The following XIRP1 variants were observed in gnomAD, a reference collection of about 807,000 sequenced individuals.
XIRP1 encodes xin actin-binding repeat-containing protein 1.
For missense variants in XIRP1, 2,378 were observed against 2,345.4 expected (o/e 1.01, Z -0.29); for synonymous variants, 984 against 947.0 (o/e 1.04, Z -0.72).
Position 39,188,678 on chromosome 3 carries a change from T to C in XIRP1, c.768A>G (p.Ala256=). The C allele has an allele frequency of 6.2e-7, 1 of 1,613,486 alleles. No homozygotes were observed. The highest frequency in any genetic ancestry group is 1.3e-5 in the African/African-American group (1 of 75,030). Residue 256 remains alanine (A), a synonymous_variant, in exon 2 of 2, where the codon GCA becomes GCG. Coordinates refer to ENST00000340369, the MANE Select transcript of XIRP1 (RefSeq NM_194293.4). The stretch of plus-strand genomic sequence containing the variant: ...CGTTGCTTTGGATCTCCTCCCGGCA[T>C]GCGGCCTTGACCTCATGGATGGCGC... ...AEGAIHEVKA[A]CREEIQSNAV... is the part of the protein sequence containing the mutation.
Position 39,185,079 on chromosome 3 carries a change from C to T in XIRP1, c.4367G>A (p.Gly1456Glu). The change falls in exon 2 of 2, where the codon GGG (glycine) becomes GAG (glutamate). Residue 1456 changes from glycine to glutamate, a missense_variant. By Grantham distance (98) the Gly-to-Glu change is moderately conservative. Coordinates refer to ENST00000340369, the MANE Select transcript of XIRP1 (RefSeq NM_194293.4). ...GEQPMEGSHQGAPESPDSLQR... is the reference protein window; with the variant it reads ...GEQPMEGSHQEAPESPDSLQR... Reference sequence around the variant, plus strand: ...CAGACTGTCAGGGCTCTCAGGGGCCCCTTGGTGGGAACCTTCCATGGGCTG... The same window carrying T: ...CAGACTGTCAGGGCTCTCAGGGGCCTCTTGGTGGGAACCTTCCATGGGCTG... The T allele has an allele frequency of 6.6e-7, 1 of 1,524,976 alleles. No homozygotes were observed. The allele number at this position is 1,524,976 out of a possible 1,614,324, so 94.5% of individuals were successfully genotyped here.
rs779896091 is a variant in XIRP1, at chr3:39,186,205, T to C, written c.3241A>G (p.Thr1081Ala). Residue 1081 changes from threonine (T) to alanine (A), a missense_variant, in exon 2 of 2, where the codon ACC (threonine) becomes GCC (alanine). By Grantham distance (58) the Thr-to-Ala change is moderately conservative. Transcript: ENST00000340369. Reference sequence around the variant, plus strand: ...ATGGGGTTGGAAGTGGCTGTTGGGGTGGGGCCCTGCTTGTGCTTGTTCAGA... The same window carrying C: ...ATGGGGTTGGAAGTGGCTGTTGGGGCGGGGCCCTGCTTGTGCTTGTTCAGA... ...QVLNKHKQGP[T>A]PTATSNPIQD... is the part of the protein sequence containing the mutation. The C allele has an allele frequency of 6.2e-7, 1 of 1,613,414 alleles. No homozygotes were observed. The highest frequency in any genetic ancestry group is 8.5e-7 in the Non-Finnish European group (1 of 1,179,870).
chr3:39,186,547 T>A lies in XIRP1; in HGVS notation c.2899A>T (p.Thr967Ser). ...GGGGGAACATGGATGATGCTCTCAG[T>A]TGGGTGCAGGCTCTGGGCCCCCTCG... ...ASEGAQSLHP[T>S]ESIIHVPPLD... The change falls in exon 2 of 2, where the codon ACT becomes TCT. Residue 967 changes from threonine to serine, a missense_variant. Thr to Ser is a moderately conservative substitution (Grantham distance 58). Coordinates refer to ENST00000340369, the MANE Select transcript of XIRP1 (RefSeq NM_194293.4). 6.2e-7 allele frequency: 1 copy of A among 1,611,624 alleles called. No individual in the cohort carries two copies.
rs1319471477 is a variant in XIRP1, at chr3:39,188,635, A to G, written c.811T>C (p.Trp271Arg). The G allele has an allele frequency of 6.2e-7, 1 of 1,613,404 alleles. No individual in the cohort carries two copies. Among genetic ancestry groups the G allele is most frequent in the East Asian group, 2.2e-5 (1 of 44,848 alleles). ...IQSNAVRSAR[W>R]LFETRPLDAI... ...TCCAGAGGCCGGGTCTCAAAGAGCC[A>G]GCGGGCAGACCTCACCGCGTTGCTT... is the stretch of plus-strand genomic sequence containing the variant. Residue 271 changes from tryptophan to arginine, a missense_variant, in exon 2 of 2, where the codon TGG becomes CGG. Transcript: ENST00000340369.
rs757481062 is a variant in XIRP1 at position 39,184,906 on chromosome 3, C to T, written c.4540G>A (p.Ala1514Thr). The change falls in exon 2 of 2, where the codon GCC becomes ACC. Residue 1514 changes from alanine to threonine, a missense_variant. Coordinates refer to ENST00000340369, the MANE Select transcript of XIRP1 (RefSeq NM_194293.4). ...LGGAAPQAPA[A>T]HQKPEASVEQ... ...ACTGAGGCCTCGGGCTTTTGGTGGGCAGCAGGAGCCTGAGGAGCAGCCCCT... is the reference window on the plus strand; with the variant it reads ...ACTGAGGCCTCGGGCTTTTGGTGGGTAGCAGGAGCCTGAGGAGCAGCCCCT... The T allele has an allele frequency of 1.5e-5, 24 of 1,588,500 alleles. No individual in the cohort carries two copies. The highest frequency in any genetic ancestry group is 2.0e-5 in the Non-Finnish European group (23 of 1,165,580).
Position 39,187,390 on chromosome 3 carries a change from C to T in XIRP1, c.2056G>A (p.Val686Met), listed in dbSNP as rs777233807. 13 of 1,614,162 alleles carry T rather than the reference C, an allele frequency of 8.1e-6. No individual in the cohort carries two copies. Among genetic ancestry groups the T allele is most frequent in the East Asian group, 4.5e-5 (2 of 44,888 alleles). Reference protein sequence around the residue: ...GRRPVRYCSRVEIPSGQVSRQ... With the variant: ...GRRPVRYCSRMEIPSGQVSRQ... ...GACACCTGCCCTGAAGGGATCTCCA[C>T]GCGGCTGCAGTATCTCACAGGCCGT... The change falls in exon 2 of 2, where the codon GTG becomes ATG. Residue 686 changes from valine (V) to methionine (M), a missense_variant. Coordinates refer to ENST00000340369, the MANE Select transcript of XIRP1 (RefSeq NM_194293.4).
At position 39,185,637 on chromosome 3, in the gene XIRP1, G is replaced by A. The variant is rs2039954509; in HGVS notation, c.3809C>T (p.Pro1270Leu). Residue 1270 changes from proline to leucine, a missense_variant, in exon 2 of 2, where the codon CCA becomes CTA. Transcript: ENST00000340369. ...LPAAVTGPDF[P>L]AGAHRAEDSI... ...GTCCTCAGCACGGTGGGCTCCAGCT[G>A]GAAAGTCAGGTCCTGTCACAGCAGC... The A allele has an allele frequency of 6.2e-7, 1 of 1,613,274 alleles. No homozygotes were observed. Among genetic ancestry groups the A allele is most frequent in the African/African-American group, 1.3e-5 (1 of 74,884 alleles).
rs773496879 is a variant in XIRP1, at chr3:39,187,722, C to G, written c.1724G>C (p.Gly575Ala). The change falls in exon 2 of 2, where the codon GGG becomes GCG. Residue 575 changes from glycine (G) to alanine (A), a missense_variant. Gly to Ala is a moderately conservative substitution (Grantham distance 60). Transcript: ENST00000340369. ...REQQERQKEEGKSQGDPQPEA... is the reference protein window; with the variant it reads ...REQQERQKEEAKSQGDPQPEA... Reference sequence around the variant, plus strand: ...AGGCTGGGGGTCTCCCTGACTCTTCCCTTCTTCTTTCTGTCGTTCCTGCTG... The same window carrying G: ...AGGCTGGGGGTCTCCCTGACTCTTCGCTTCTTCTTTCTGTCGTTCCTGCTG... 3 of 1,614,084 alleles carry G rather than the reference C, an allele frequency of 1.9e-6. No individual in the cohort carries two copies. The East Asian group carries it at 6.7e-5, about 36-fold the overall frequency.
At position 39,184,711 on chromosome 3, in the gene XIRP1, T is replaced by C. The variant is rs1448131173; in HGVS notation, c.4735A>G (p.Lys1579Glu). 2 of 1,614,264 alleles carry C rather than the reference T, an allele frequency of 1.2e-6. No homozygotes were observed. Among genetic ancestry groups the C allele is most frequent in the Non-Finnish European group, 1.7e-6 (2 of 1,180,044 alleles). The change falls in exon 2 of 2, where the codon AAA (lysine) becomes GAA (glutamate). Residue 1579 changes from lysine to glutamate, a missense_variant. Coordinates refer to ENST00000340369, the MANE Select transcript of XIRP1 (RefSeq NM_194293.4). ...SARGHFQGPP[K>E]DHSAHKISVT... ...CTGATCTTGTGGGCACTGTGGTCTT[T>C]TGGAGGTCCCTGGAAATGGCCTCTG...
chr3:39,190,071 G>T (rs573179072), intron 1 of XIRP1, among the ~76,000 whole-genome samples: 1 of 152,346 alleles, frequency 6.6e-6, no homozygotes, highest in South Asian at 2.1e-4. Context: ...GCCCAAGGAG[G>T]CAAGCAGAGG....
At chr3:39,189,809 C>A (rs948285541) in intron 1 of XIRP1, among the ~76,000 whole-genome samples, 2 of 152,218 alleles carry the variant, frequency 1.3e-5, no homozygotes, top group African/African-American at 4.8e-5. Context: ...AGTGGGCAAA[C>A]TGGACATGCC....
In XIRP1 at chr3:39,187,203, C is replaced by T; in HGVS notation, c.2243G>A (p.Gly748Asp). 6.3e-7 allele frequency: 1 copy of T among 1,594,476 alleles called. No individual in the cohort carries two copies. ...GSLAAESIQG[G>D]NLLEEQPMSP... ...CATGGGCTGCTCTTCCAGGAGGTTG[C>T]CCCCTTGGATGCTCTCAGCTGCCAG... Residue 748 changes from glycine (G) to aspartate (D), a missense_variant, in exon 2 of 2, where the codon GGC becomes GAC. Coordinates refer to ENST00000340369, the MANE Select transcript of XIRP1 (RefSeq NM_194293.4).
chr3:39,188,450 G>C lies in XIRP1; in HGVS notation c.996C>G (p.Ser332=), dbSNP rs1017389330. The C allele has an allele frequency of 6.2e-7, 1 of 1,603,450 alleles. No homozygotes were observed. Among genetic ancestry groups the C allele is most frequent in the Admixed American group, 1.7e-5 (1 of 59,554 alleles). The change falls in exon 2 of 2, where the codon TCC becomes TCG. Residue 332 remains serine, a synonymous_variant. Coordinates refer to ENST00000340369, the MANE Select transcript of XIRP1 (RefSeq NM_194293.4). The part of the protein sequence containing the change: ...ILVDEKDFQP[S]PDLIPPGPDV... ...CTGGACCAGGTGGGATAAGGTCTGG[G>C]GATGGCTGGAAGTCCTTCTCATCTA...
In XIRP1 at chr3:39,189,462, G is replaced by C. The variant is rs1438863692; in HGVS notation, c.-17C>G. 2 of 1,565,542 alleles carry C rather than the reference G, an allele frequency of 1.3e-6. No homozygotes were observed. The highest frequency in any genetic ancestry group is 1.7e-6 in the Non-Finnish European group (2 of 1,156,040). Reference sequence around the variant, plus strand: ...GTCGGCCATCCTTCTGAGAAGAAGGGGCAGAGATGAGGATGGGATTGGGAG... The same window carrying C: ...GTCGGCCATCCTTCTGAGAAGAAGGCGCAGAGATGAGGATGGGATTGGGAG... On this transcript the variant is annotated 5_prime_UTR_variant, in exon 2 of 2. Transcript: ENST00000340369.
intron 1 of XIRP1, among the ~76,000 whole-genome samples, chr3:39,190,410 A>G (rs559097650): frequency 1.3e-5 from 2 of 152,250 alleles, no homozygotes; most frequent in Non-Finnish European, 2.9e-5. Flanking sequence ...TATTGGCCAT[A>G]GAACCCGTCT....
In XIRP1 at chr3:39,186,467, G is replaced by C; in HGVS notation, c.2979C>G (p.Cys993Trp). The C allele has an allele frequency of 6.2e-7, 1 of 1,614,108 alleles. No homozygotes were observed. Among genetic ancestry groups the C allele is most frequent in the Non-Finnish European group, 8.5e-7 (1 of 1,180,002 alleles). Residue 993 changes from cysteine to tryptophan, a missense_variant, in exon 2 of 2, where the codon TGC becomes TGG. Cys to Trp is a radical substitution (Grantham distance 215). Transcript: ENST00000340369. ...GHLRASGATP[C>W]PPQAIGKAVP... The stretch of plus-strand genomic sequence containing the variant: ...CTGCCTTTCCAATGGCCTGAGGAGG[G>C]CAAGGGGTGGCCCCTGAGGCTCTCA...
rs1159744520 is a variant in XIRP1 at position 39,191,235 on chromosome 3, C to A, written c.-81+1211G>T. On this transcript the variant is annotated intron_variant, in intron 1 of 1. Coordinates refer to ENST00000340369, the MANE Select transcript of XIRP1 (RefSeq NM_194293.4). Reference sequence around the variant, plus strand: ...ATCAAAGCTCTGGGTGGTTTTCTTTCATTTCTGAGCTCCAATGAGGATCCC... The same window carrying A: ...ATCAAAGCTCTGGGTGGTTTTCTTTAATTTCTGAGCTCCAATGAGGATCCC... Among the ~76,000 whole-genome samples the A allele has an allele frequency of 3.2e-4, 49 of 152,148 alleles. 1 individual carries two copies. Among genetic ancestry groups the A allele is most frequent in the Admixed American group, 3.1e-3 (47 of 15,286 alleles).
In XIRP1 at chr3:39,187,516, G is replaced by C. The variant is rs1183807376; in HGVS notation, c.1930C>G (p.Gln644Glu). The C allele has an allele frequency of 6.2e-7, 1 of 1,613,856 alleles. No homozygotes were observed. Among genetic ancestry groups the C allele is most frequent in the South Asian group, 1.1e-5 (1 of 91,082 alleles). ...GGGACCTGGCTAACCTGCAGGTGCT[G>C]CTCCCTGGAGCCCACTGGCCTGTCC... is the stretch of plus-strand genomic sequence containing the variant. ...PVDRPVGSREQHLQVSQVPAG... is the reference protein window; with the variant it reads ...PVDRPVGSREEHLQVSQVPAG... Residue 644 changes from glutamine to glutamate, a missense_variant, in exon 2 of 2, where the codon CAG becomes GAG. Gln to Glu is a conservative substitution (Grantham distance 29, BLOSUM62 2). Transcript: ENST00000340369.
rs2040008300 is a variant in XIRP1 at position 39,187,686 on chromosome 3, G to A, written c.1760C>T (p.Pro587Leu). ...SQGDPQPEAP[P>L]KGDVQTIRWL... ...CCGGATGGTCTGCACATCGCCCTTTGGGGGTGCCTCAGGCTGGGGGTCTCC... is the reference window on the plus strand; with the variant it reads ...CCGGATGGTCTGCACATCGCCCTTTAGGGGTGCCTCAGGCTGGGGGTCTCC... The change falls in exon 2 of 2, where the codon CCA becomes CTA. Residue 587 changes from proline (P) to leucine (L), a missense_variant. Transcript: ENST00000340369. 1 of 1,614,030 alleles carries A rather than the reference G, an allele frequency of 6.2e-7. No homozygotes were observed. Among genetic ancestry groups the A allele is most frequent in the Non-Finnish European group, 8.5e-7 (1 of 1,180,044 alleles).
Sources: allele counts gnomAD v4.1 joint callset (sites outside exome capture counted in the v4.1 genomes callset), GRCh38; gene constraint gnomAD v4.1.1; transcripts MANE v1.5; gene names NCBI Gene and HGNC (gene_info 2026-07-23, HGNC 2026-07-21).